NRG1: variants seen among roughly 807,000 people sequenced by gnomAD.
NRG1 encodes pro-neuregulin-1, membrane-bound isoform.
A neutral mutation model predicts 63.8 loss-of-function variants in NRG1; 18 were observed. The observed-to-expected ratio is 0.28, with a 90% CI of 0.19 to 0.42. The LOEUF (loss-of-function observed/expected upper bound fraction) is 0.42. NRG1 is among the 10% of genes least tolerant of loss of function. The pLI is 1.00. For missense variants in NRG1, 762 were observed against 814.7 expected, an observed-to-expected ratio of 0.94 and a Z score of 0.79; for synonymous variants, 302 against 301.3, an observed-to-expected ratio of 1.00 and a Z score of -0.02.
upstream of NRG1, chr8:32,548,256 G>A (rs1833337901): frequency 2.2e-5 from 22 of 986,214 alleles, no homozygotes; most frequent in Non-Finnish European, 2.6e-5. Context: ...CAACCTGCGG[G>A]CGGGAGGTGG....
chr8:32,429,985 GAT>G (rs1817926300), intron 1 of NRG1, among the ~76,000 whole-genome samples: 1 of 152,172 alleles, frequency 6.6e-6, no homozygotes, highest in African/African-American at 2.4e-5. Context: ...ACCTGAATGT[GAT>G]ATGTGTGTGT....
intron 1 of NRG1, among the ~76,000 whole-genome samples, chr8:31,730,998 T>G (rs1165616859): frequency 6.6e-6 from 1 of 152,154 alleles, no homozygotes; most frequent in Non-Finnish European, 1.5e-5. Flanking sequence ...TAATTGAATT[T>G]GAAACAGCGG....
intron 1 of NRG1, among the ~76,000 whole-genome samples, chr8:32,304,527 A>T (rs1855974991): frequency 6.6e-6 from 1 of 152,208 alleles, no homozygotes; most frequent in South Asian, 2.1e-4. Flanking sequence ...TTTCAAAAAA[A>T]TCCTAAAGAC....
chr8:31,974,179 T>C (rs373929576), intron 1 of NRG1, among the ~76,000 whole-genome samples: 1 of 152,132 alleles, frequency 6.6e-6, no homozygotes, highest in East Asian at 1.9e-4. Context: ...CCTTCTTTTT[T>C]GTTTGAGACA....
intron 1 of NRG1, among the ~76,000 whole-genome samples, chr8:32,144,994 T>C (rs527621021): frequency 6.6e-6 from 1 of 152,342 alleles, no homozygotes; most frequent in East Asian, 1.9e-4. Context: ...TTTGTTGGTA[T>C]GTGAGGAGTT....
At chr8:32,452,272 G>GCACCA (rs1563483522) in intron 1 of NRG1, among the ~76,000 whole-genome samples, 1 of 152,188 alleles carries the variant, frequency 6.6e-6, no homozygotes, top group African/African-American at 2.4e-5. Context: ...AATAAAAAGT[G>GCACCA]GGCTTTGCTT....
intron 4 of NRG1, 30 bp from the exon 5 acceptor site, chr8:32,616,805 A>C (rs199722536): frequency 2.7e-5 from 43 of 1,584,386 alleles, no homozygotes; most frequent in Middle Eastern, 1.7e-4. Context: ...ATGACTCAAT[A>C]AAGCCTCATT....
At chr8:31,846,704 A>G (rs1347698049) in intron 1 of NRG1, among the ~76,000 whole-genome samples, 1 of 152,160 alleles carries the variant, frequency 6.6e-6, no homozygotes, top group Non-Finnish European at 1.5e-5. Context: ...ATTCACCCTC[A>G]TCTTTCATTG....
chr8:32,370,843 G>T (rs1429410179), intron 1 of NRG1, among the ~76,000 whole-genome samples: 1 of 113,586 alleles, frequency 8.8e-6, no homozygotes, highest in Non-Finnish European at 1.7e-5. Flanking sequence ...GGATGACAGA[G>T]TGAGACTCTG....
chr8:31,955,040 AAGT>A (rs1015006607), intron 1 of NRG1, among the ~76,000 whole-genome samples: 1 of 152,150 alleles, frequency 6.6e-6, no homozygotes, highest in Non-Finnish European at 1.5e-5. Flanking sequence ...GAAAGAGAGT[AAGT>A]GAGATGTCAC....
chr8:31,808,159 C>T (rs1822481562), intron 1 of NRG1, among the ~76,000 whole-genome samples: 1 of 151,368 alleles, frequency 6.6e-6, no homozygotes, highest in Admixed American at 6.6e-5. Context: ...TTTTGCTATT[C>T]TTTCATGATT....
At chr8:32,548,338 G>C (rs1833358467) in exon 1 of NRG1, 1 of 1,004,822 alleles carries the variant, frequency 1.0e-6, no homozygotes, top group African/African-American at 1.7e-5. Context: ...GGGCTCGCGC[G>C]GAGGCCAGGA....
At chr8:32,180,935 C>T (rs1841367605) in intron 1 of NRG1, among the ~76,000 whole-genome samples, 1 of 152,076 alleles carries the variant, frequency 6.6e-6, no homozygotes, top group Non-Finnish European at 1.5e-5. Flanking sequence ...CCTGAGTAAC[C>T]ACCATTCTAT....
At chr8:32,260,016 T>G (rs1453688103) in intron 1 of NRG1, among the ~76,000 whole-genome samples, 1 of 152,180 alleles carries the variant, frequency 6.6e-6, no homozygotes, top group Non-Finnish European at 1.5e-5. Context: ...CCAAACATGT[T>G]GTAACTCATG....
chr8:31,820,796 A>G (rs1823929243), intron 1 of NRG1, among the ~76,000 whole-genome samples: 1 of 152,236 alleles, frequency 6.6e-6, no homozygotes, highest in African/African-American at 2.4e-5. Flanking sequence ...AATGTTTTGT[A>G]TACTTTATCT....
At chr8:31,782,055 G>A (rs1406683671) in intron 1 of NRG1, among the ~76,000 whole-genome samples, 1 of 152,066 alleles carries the variant, frequency 6.6e-6, no homozygotes, top group Non-Finnish European at 1.5e-5. Context: ...TCTCTCCTAA[G>A]GCTTTCACTG....
At chr8:32,382,667 A>T (rs1014619437) in intron 1 of NRG1, among the ~76,000 whole-genome samples, 2 of 152,200 alleles carry the variant, frequency 1.3e-5, no homozygotes, top group Admixed American at 6.5e-5. Flanking sequence ...GAATAGACAT[A>T]AGTTGCAAGT....
intron 9 of NRG1, among the ~76,000 whole-genome samples, chr8:32,758,188 G>T (rs955281678): frequency 6.6e-6 from 1 of 152,004 alleles, no homozygotes; most frequent in Admixed American, 6.6e-5. Context: ...ACTCAATTTG[G>T]TATAAATACT....
chr8:32,510,025 G>C (rs1828973105), intron 1 of NRG1, among the ~76,000 whole-genome samples: 1 of 151,616 alleles, frequency 6.6e-6, no homozygotes, highest in Admixed American at 6.6e-5. Flanking sequence ...CTCCAAAAGA[G>C]AGAAGATTCT....
Sources: gnomAD v4.1 joint callset for allele counts (sites outside exome capture counted in the v4.1 genomes callset) on GRCh38, gnomAD v4.1.1 for gene constraint, MANE v1.5 for transcripts, NCBI Gene and HGNC (gene_info 2026-07-23, HGNC 2026-07-21) for gene names.